Variants in SEC62 observed in about 807,000 individuals in gnomAD.
The protein encoded by SEC62 is translocation protein SEC62.
In SEC62, 10 loss-of-function variants were observed where a neutral mutation model predicts 47.5. The observed-to-expected ratio is 0.21, with a 90% CI of 0.13 to 0.36. The LOEUF (loss-of-function observed/expected upper bound fraction) is 0.36, where lower values mean the gene tolerates loss of function less well. Ranked by LOEUF, SEC62 falls within the 10% of genes least tolerant of loss-of-function variation. SEC62 has a pLI of 1.00. For synonymous variants in SEC62, 136 were observed against 150.5 expected (o/e 0.90, Z 0.71); for missense variants, 327 against 464.1 (o/e 0.70, Z 2.71).
chr3:169,976,848 T>C lies in SEC62; in HGVS notation c.146-98T>C, dbSNP rs182746337. ...TTCTGTTGAGTTTGGTTTTCTTTTT[T>C]GTTGCCAGAGTGTTGAAATTTTACT... On this transcript the variant is annotated intron_variant, in intron 2 of 7. Transcript: ENST00000337002. 225 of 739,694 alleles carry C rather than the reference T, an allele frequency of 3.0e-4. 1 individual carries two copies. The African/African-American group carries it at 3.7e-3, about 12-fold the overall frequency. The allele number at this position is 739,694 out of a possible 1,614,324, so 45.8% of individuals were successfully genotyped here. A position where few individuals can be genotyped will look rare whatever the true frequency, so the allele number is the denominator to read the frequency against.
intron 2 of SEC62, 152 bp downstream of exon 2, chr3:169,975,868 G>T: frequency 4.1e-6 from 2 of 487,054 alleles, no homozygotes; most frequent in East Asian, 6.2e-5. Context: ...TTTCTTTTAT[G>T]ATTGAAAATG....
intron 1 of SEC62, chr3:169,968,590 A>C (rs1714614414): frequency 6.6e-6 from 1 of 152,056 alleles, no homozygotes; most frequent in African/African-American, 2.4e-5. Context: ...TGAAAATAAT[A>C]GGTGAGTCAA....
At position 169,993,920 on chromosome 3, in the gene SEC62, C is replaced by A. The variant is rs186177062; in HGVS notation, c.*857C>A. ...TTTAGAGAAATGGAAGTTTGAGTAA[C>A]CCACAGAACATCTGTGATCTTTCTA... On this transcript the variant is annotated 3_prime_UTR_variant, in exon 8 of 8. Transcript: ENST00000337002. The A allele has an allele frequency of 1.3e-5, 2 of 152,708 alleles. No homozygotes were observed. The highest frequency in any genetic ancestry group is 3.9e-4 in the East Asian group (2 of 5,188). The allele number at this position is 152,708 out of a possible 1,614,324, so 9.5% of individuals were successfully genotyped here. A position where few individuals can be genotyped will look rare whatever the true frequency, so the allele number is the denominator to read the frequency against.
chr3:169,975,033 C>T (rs1343497676), intron 1 of SEC62, among the ~76,000 whole-genome samples: 1 of 152,180 alleles, frequency 6.6e-6, no homozygotes, highest in East Asian at 1.9e-4. Flanking sequence ...GTAATCCCAG[C>T]ACTTTGGGAG....
Position 169,983,169 on chromosome 3 carries a change from T to C in SEC62, c.465T>C (p.Thr155=). Residue 155 remains threonine (T), a synonymous_variant, in exon 5 of 8, where the codon ACT becomes ACC. Transcript: ENST00000337002. ...GEKEESKKEE[T]PGTPKKKETK... is the part of the protein sequence containing the mutation. Reference sequence around the variant, plus strand: ...AACTTGTGTTTTCATAGGAGGAAACTCCAGGAACTCCTAAAAAGAAGGAAA... The same window carrying C: ...AACTTGTGTTTTCATAGGAGGAAACCCCAGGAACTCCTAAAAAGAAGGAAA... 3 of 1,609,954 alleles carry C rather than the reference T, an allele frequency of 1.9e-6. No individual in the cohort carries two copies. Among genetic ancestry groups the C allele is most frequent in the Non-Finnish European group, 1.7e-6 (2 of 1,177,378 alleles).
In SEC62 at chr3:169,996,484, G is replaced by A. The variant is rs1244722540; in HGVS notation, c.*3421G>A. 3.3e-5 allele frequency: 5 copies of A among 152,728 alleles called. No individual in the cohort carries two copies. Among genetic ancestry groups the A allele is most frequent in the South Asian group, 2.1e-4 (1 of 4,824 alleles). The allele number at this position is 152,728 out of a possible 1,614,324, so 9.5% of individuals were successfully genotyped here. ...CATTAAATAGTGTGTTAAGTGCTAC[G>A]GCAGCAAATTGCTACATGTGCTGGA... On this transcript the variant is annotated 3_prime_UTR_variant, in exon 8 of 8. Coordinates refer to ENST00000337002, the MANE Select transcript of SEC62 (RefSeq NM_003262.4).
chr3:169,992,431 G>C lies in SEC62; in HGVS notation c.731-163G>C, dbSNP rs1267155405. The stretch of plus-strand genomic sequence containing the variant: ...ATCCTCCCAAGTAGCTTGGATTAGA[G>C]GTTTAGCCACCACGCCCAGCACTAA... On this transcript the variant is annotated intron_variant, in intron 7 of 7. Coordinates refer to ENST00000337002, the MANE Select transcript of SEC62 (RefSeq NM_003262.4). The surrounding 1 kb of genome is among the most constrained non-coding windows in gnomAD (Gnocchi z 4.0). 6.6e-6 allele frequency among the ~76,000 whole-genome samples: 1 copy of C among 152,058 alleles called. No individual in the cohort carries two copies. The highest frequency in any genetic ancestry group is 2.4e-5 in the African/African-American group (1 of 41,388).
chr3:169,966,911 G>C, intron 1 of SEC62, 53 bp downstream of exon 1: 12 of 1,544,388 alleles, frequency 7.8e-6, no homozygotes, highest in Non-Finnish European at 9.6e-6. Flanking sequence ...ATAGTGGAAG[G>C]GGCGGGGAAA....
chr3:169,975,818 G>T, intron 2 of SEC62, 102 bp downstream of exon 2: 1 of 695,550 alleles, frequency 1.4e-6, no homozygotes, highest in Admixed American at 2.1e-5. Flanking sequence ...AAATGTGATT[G>T]TTCTGGTGAT....
In SEC62 at chr3:169,982,366, G is replaced by A. The variant is rs77784529; in HGVS notation, c.252-341G>A. ...TTATTACGTCAGCTCTTGCATTTGA[G>A]ACTTAACATAAAGTGAAGCTGAGTC... On this transcript the variant is annotated intron_variant, in intron 3 of 7. Coordinates refer to ENST00000337002, the MANE Select transcript of SEC62 (RefSeq NM_003262.4). Among the ~76,000 whole-genome samples, 46 of 152,148 alleles carry A rather than the reference G, an allele frequency of 3.0e-4. No individual in the cohort carries two copies. In the East Asian group the frequency reaches 8.9e-3, roughly 29 times the overall value.
intron 5 of SEC62, among the ~76,000 whole-genome samples, chr3:169,984,103 C>A (rs781234010): frequency 6.6e-6 from 1 of 152,152 alleles, no homozygotes; most frequent in Non-Finnish European, 1.5e-5. Context: ...TATATCCTTT[C>A]CTGTTATACC....
At chr3:169,990,045 CATATG>C (rs1211125422) in intron 7 of SEC62, among the ~76,000 whole-genome samples, 1 of 146,224 alleles carries the variant, frequency 6.8e-6, no homozygotes, top group Non-Finnish European at 1.5e-5. Flanking sequence ...TAATATATAT[CATATG>C]ATATGTCATA....
At position 169,993,006 on chromosome 3, in the gene SEC62, G is replaced by T. The variant is rs1388095402; in HGVS notation, c.1143G>T (p.Glu381Asp). 6.2e-6 allele frequency: 10 copies of T among 1,611,920 alleles called. No homozygotes were observed. In the East Asian group the frequency reaches 2.2e-4, roughly 36 times the overall value. Residue 381 changes from glutamate to aspartate, a missense_variant, in exon 8 of 8, where the codon GAG becomes GAT. Around this residue, in one of 3 missense-constraint regions of SEC62, gnomAD observed 102 missense variants for 108.8 expected, o/e 0.94. Coordinates refer to ENST00000337002, the MANE Select transcript of SEC62 (RefSeq NM_003262.4). ...LEQQTDGDCE[E>D]DEEEENDGET... ...AGCAAACAGATGGGGATTGTGAAGA[G>T]GATGAGGAAGAGGAAAATGATGGAG...
At position 169,995,258 on chromosome 3, in the gene SEC62, G is replaced by A. The variant is rs1274039732; in HGVS notation, c.*2195G>A. On this transcript the variant is annotated 3_prime_UTR_variant, in exon 8 of 8. Coordinates refer to ENST00000337002, the MANE Select transcript of SEC62 (RefSeq NM_003262.4). ...AGAAAGCATGAAGCTTTTTGATCATGTAGGGCTTATTGTAGAGGGTATCAA... is the reference window on the plus strand; with the variant it reads ...AGAAAGCATGAAGCTTTTTGATCATATAGGGCTTATTGTAGAGGGTATCAA... 1 of 152,142 alleles carries A rather than the reference G, an allele frequency of 6.6e-6. No homozygotes were observed. The highest frequency in any genetic ancestry group is 1.9e-4 in the East Asian group (1 of 5,202). The allele number at this position is 152,142 out of a possible 1,614,324, so 9.4% of individuals were successfully genotyped here.
In SEC62 at chr3:169,996,125, T is replaced by TAAAAC. The variant is rs1283086846; in HGVS notation, c.*3062_*3063insAAAAC. ...CTCAGAATATGTGTACAGCAAGTTT[T>TAAAAC]TTGCTGTACCACAAAATTTTAGGTT... On this transcript the variant is annotated 3_prime_UTR_variant, in exon 8 of 8. Transcript: ENST00000337002. 1 of 152,222 alleles carries TAAAAC rather than the reference T, an allele frequency of 6.6e-6. No homozygotes were observed. Among genetic ancestry groups the TAAAAC allele is most frequent in the Non-Finnish European group, 1.5e-5 (1 of 68,036 alleles). 9.4% of individuals were successfully genotyped at this position (152,222 alleles called of 1,614,324 possible).
At chr3:169,987,771 C>T (rs1715143492) in intron 6 of SEC62, among the ~76,000 whole-genome samples, 1 of 152,204 alleles carries the variant, frequency 6.6e-6, no homozygotes, top group Non-Finnish European at 1.5e-5. Flanking sequence ...CAGAAATCAC[C>T]TGGGGAATCT....
intron 7 of SEC62, 82 bp downstream of exon 7, chr3:169,988,441 TAAG>T: frequency 2.8e-6 from 4 of 1,428,668 alleles, no homozygotes; most frequent in Non-Finnish European, 3.9e-6. Context: ...CAGTAAAGCT[TAAG>T]AAAAATTAAT....
At chr3:169,976,393 C>T (rs1714839111) in intron 2 of SEC62, among the ~76,000 whole-genome samples, 1 of 152,006 alleles carries the variant, frequency 6.6e-6, no homozygotes, top group African/African-American at 2.4e-5. Context: ...AACTAAATTG[C>T]CAGTGTAGAG....
chr3:169,981,556 G>T (rs917866778), intron 3 of SEC62, among the ~76,000 whole-genome samples: 8 of 152,118 alleles, frequency 5.3e-5, no homozygotes, highest in Admixed American at 4.6e-4. Flanking sequence ...TTGTATTGTG[G>T]CAATTAGACA....
Sources: allele counts gnomAD v4.1 joint callset (sites outside exome capture counted in the v4.1 genomes callset), GRCh38; gene constraint gnomAD v4.1.1; regional missense constraint gnomAD v4.1.1; non-coding constraint Gnocchi (gnomAD v3.1); transcripts MANE v1.5; gene names NCBI Gene and HGNC (gene_info 2026-07-23, HGNC 2026-07-21).